The following N4BP2 variants were observed in gnomAD, a reference collection of about 807,000 sequenced individuals.
N4BP2 encodes the protein NEDD4-binding protein 2.
A neutral mutation model predicts 152.8 loss-of-function variants in N4BP2; 91 were observed. That is an observed-to-expected ratio of 0.60 (90% CI 0.50 to 0.71). The LOEUF (loss-of-function observed/expected upper bound fraction) is 0.71. Ranked by LOEUF, N4BP2 falls within the 30% of genes least tolerant of loss-of-function variation. The pLI, the probability that N4BP2 is intolerant of heterozygous loss-of-function variation, is 0.00. For missense variants in N4BP2, 1,923 were observed against 2,059.1 expected, an observed-to-expected ratio of 0.93 and a Z score of 1.28; for synonymous variants, 646 against 705.3, an observed-to-expected ratio of 0.92 and a Z score of 1.33.
chr4:40,120,350 A>G lies in N4BP2; in HGVS notation c.2239A>G (p.Asn747Asp). Reference protein sequence around the residue: ...CDLANSGPLQNEKSSPGEIVE... With the variant: ...CDLANSGPLQDEKSSPGEIVE... Reference sequence around the variant, plus strand: ...TCTTGCAAATAGTGGACCACTTCAAAATGAAAAATCCTCACCTGGTGAAAT... The same window carrying G: ...TCTTGCAAATAGTGGACCACTTCAAGATGAAAAATCCTCACCTGGTGAAAT... Residue 747 changes from asparagine to aspartate, a missense_variant, in exon 9 of 18, where the codon AAT becomes GAT. Asn to Asp is a conservative substitution (Grantham distance 23). Coordinates refer to ENST00000261435, the MANE Select transcript of N4BP2 (RefSeq NM_018177.6). 4 of 1,612,804 alleles carry G rather than the reference A, an allele frequency of 2.5e-6. No individual in the cohort carries two copies. Among genetic ancestry groups the G allele is most frequent in the Non-Finnish European group, 3.4e-6 (4 of 1,179,710 alleles).
intron 2 of N4BP2, among the ~76,000 whole-genome samples, chr4:40,081,126 A>T (rs2109917839): frequency 6.6e-6 from 1 of 152,244 alleles, no homozygotes. Context: ...ATTCACCTTT[A>T]ATTTATAATA....
rs1397766994 is a variant in N4BP2, at chr4:40,101,953, G to T, written c.230-122G>T. On this transcript the variant is annotated intron_variant, in intron 3 of 17. Coordinates refer to ENST00000261435, the MANE Select transcript of N4BP2 (RefSeq NM_018177.6). Reference sequence around the variant, plus strand: ...ATTTTTTAAAAATAACATGAATATTGTACATTTATATTCTGTTCAATGCAA... The same window carrying T: ...ATTTTTTAAAAATAACATGAATATTTTACATTTATATTCTGTTCAATGCAA... The T allele has an allele frequency of 7.4e-6, 4 of 543,850 alleles. No homozygotes were observed. The Admixed American group carries it at 1.5e-4, about 20-fold the overall frequency. 33.7% of individuals were successfully genotyped at this position (543,850 alleles called of 1,614,324 possible).
intron 13 of N4BP2, among the ~76,000 whole-genome samples, chr4:40,132,603 T>G (rs1229969965): frequency 6.6e-6 from 1 of 152,180 alleles, no homozygotes; most frequent in Non-Finnish European, 1.5e-5. Context: ...TGCCACCGTG[T>G]TGTTTTAATT....
At chr4:40,069,238 G>C (rs1196741800) in intron 1 of N4BP2, among the ~76,000 whole-genome samples, 1 of 152,124 alleles carries the variant, frequency 6.6e-6, no homozygotes, top group East Asian at 1.9e-4. Context: ...AGGAGTTCAA[G>C]ACCAGCCTGG....
the N4BP2 span, among the ~76,000 whole-genome samples, chr4:40,190,336 A>G: frequency 6.6e-6 from 1 of 152,238 alleles, no homozygotes; most frequent in Admixed American, 6.5e-5. Context: ...GGGCAACCAG[A>G]TGGCTTCAGG....
chr4:40,149,147 T>C (rs1720899384), intron 16 of N4BP2, among the ~76,000 whole-genome samples: 1 of 152,196 alleles, frequency 6.6e-6, no homozygotes, highest in African/African-American at 2.4e-5. Flanking sequence ...AATATGTCTT[T>C]ACGGAAACTT....
intron 14 of N4BP2, among the ~76,000 whole-genome samples, chr4:40,141,948 C>A (rs1033884709): frequency 6.6e-6 from 1 of 152,006 alleles, no homozygotes; most frequent in Non-Finnish European, 1.5e-5. Flanking sequence ...ACCAGTCAGG[C>A]GTGGTGGCGC....
Position 40,138,261 on chromosome 4 carries a change from G to C in N4BP2, c.4785+1179G>C, listed in dbSNP as rs546925161. Among the ~76,000 whole-genome samples the C allele has an allele frequency of 2.0e-5, 3 of 152,212 alleles. No individual in the cohort carries two copies. The South Asian group carries it at 6.2e-4, about 32-fold the overall frequency. ...GGAAGAATGTCTGTTCATATCCTTTGTCTATTTTTAAATTGGATTATTTGT... is the reference window on the plus strand; with the variant it reads ...GGAAGAATGTCTGTTCATATCCTTTCTCTATTTTTAAATTGGATTATTTGT... On this transcript the variant is annotated intron_variant, in intron 14 of 17. Coordinates refer to ENST00000261435, the MANE Select transcript of N4BP2 (RefSeq NM_018177.6).
At chr4:40,076,596 C>G (rs1712762527) in intron 2 of N4BP2, among the ~76,000 whole-genome samples, 1 of 152,054 alleles carries the variant, frequency 6.6e-6, no homozygotes, top group Non-Finnish European at 1.5e-5. Context: ...TCATGCCATT[C>G]TCCTGCCTCA....
the N4BP2 span, among the ~76,000 whole-genome samples, chr4:40,163,346 T>A: frequency 6.6e-6 from 1 of 152,236 alleles, no homozygotes; most frequent in African/African-American, 2.4e-5. Flanking sequence ...ATTACAGCTC[T>A]TTTTGTTCAG....
At chr4:40,092,006 AATTAT>A (rs1448058407) in intron 2 of N4BP2, among the ~76,000 whole-genome samples, 1 of 52,930 alleles carries the variant, frequency 1.9e-5, no homozygotes, top group South Asian at 7.3e-4. Context: ...AAAAAAAAAA[AATTAT>A]ATATATATAT....
At chr4:40,147,717 C>T (rs1308512340) in intron 16 of N4BP2, among the ~76,000 whole-genome samples, 1 of 150,192 alleles carries the variant, frequency 6.7e-6, no homozygotes, top group East Asian at 2.0e-4. Context: ...GGGCGGCTGG[C>T]CCTCACTTCC....
chr4:40,174,249 T>C, the N4BP2 span, among the ~76,000 whole-genome samples: 1 of 151,818 alleles, frequency 6.6e-6, no homozygotes, highest in Non-Finnish European at 1.5e-5. Context: ...TGGTAGTGCA[T>C]GCCTGTAGTC....
intron 2 of N4BP2, among the ~76,000 whole-genome samples, chr4:40,085,206 C>T (rs1026594445): frequency 1.3e-5 from 2 of 151,914 alleles, no homozygotes; most frequent in African/African-American, 2.4e-5. Flanking sequence ...CTACCACACC[C>T]GGCCAATTTA....
intron 5 of N4BP2, among the ~76,000 whole-genome samples, chr4:40,111,040 T>A (rs1262449364): frequency 2.6e-5 from 4 of 152,220 alleles, no homozygotes; most frequent in South Asian, 4.1e-4. Context: ...GTTTTCTTTA[T>A]TTCAGATCAT....
the N4BP2 span, among the ~76,000 whole-genome samples, chr4:40,185,075 A>G: frequency 6.6e-6 from 1 of 152,186 alleles, no homozygotes; most frequent in Non-Finnish European, 1.5e-5. Context: ...TTTAAAAATA[A>G]CAGTTTTTCT....
the N4BP2 span, among the ~76,000 whole-genome samples, chr4:40,185,013 A>G: frequency 1.3e-5 from 2 of 152,126 alleles, no homozygotes; most frequent in Non-Finnish European, 2.9e-5. Context: ...ATTTTACTGT[A>G]CAGATAGTTT....
intron 17 of N4BP2, among the ~76,000 whole-genome samples, chr4:40,153,277 TA>T (rs1208481438): frequency 6.6e-6 from 1 of 152,206 alleles, no homozygotes; most frequent in Non-Finnish European, 1.5e-5. Flanking sequence ...AATAATTAGG[TA>T]ATATGTATCA....
Position 40,102,403 on chromosome 4 carries a change from T to C in N4BP2, c.558T>C (p.Asn186=). 1 of 1,611,574 alleles carries C rather than the reference T, an allele frequency of 6.2e-7. No individual in the cohort carries two copies. The highest frequency in any genetic ancestry group is 8.5e-7 in the Non-Finnish European group (1 of 1,179,004). ...SSEFINPDSS[N]MTPIFSTQNM... ...AGTTTATAAATCCTGATTCAAGTAA[T>C]ATGACTCCCATTTTTTCTACACAAA... The change falls in exon 4 of 18, where the codon AAT becomes AAC. Residue 186 remains asparagine, a synonymous_variant. Coordinates refer to ENST00000261435, the MANE Select transcript of N4BP2 (RefSeq NM_018177.6).
Sources: gnomAD v4.1 joint callset for allele counts (sites outside exome capture counted in the v4.1 genomes callset) on GRCh38, gnomAD v4.1.1 for gene constraint, MANE v1.5 for transcripts, NCBI Gene and HGNC (gene_info 2026-07-23, HGNC 2026-07-21) for gene names.